The following SPIDR variants were observed in gnomAD, a reference collection of about 807,000 sequenced individuals.
SPIDR encodes DNA repair-scaffolding protein.
A neutral mutation model predicts 104.6 loss-of-function variants in SPIDR; 93 were observed. That is an observed-to-expected ratio of 0.89 (90% confidence interval 0.75 to 1.06). The LOEUF (loss-of-function observed/expected upper bound fraction) is 1.06. Ranked by LOEUF, SPIDR falls within the 50% of genes least tolerant of loss-of-function variation. The pLI, the probability that SPIDR is intolerant of heterozygous loss-of-function variation, is 0.00. For missense variants in SPIDR, 1,154 were observed against 1,111.2 expected (o/e 1.04, Z -0.55); for synonymous variants, 431 against 416.9 (o/e 1.03, Z -0.41).
At chr8:47,611,480 C>T (rs2063595603) in intron 10 of SPIDR, among the ~76,000 whole-genome samples, 2 of 152,008 alleles carry the variant, frequency 1.3e-5, no homozygotes, top group East Asian at 1.9e-4. Flanking sequence ...GGGCAGATCA[C>T]GAGGTCAGGA....
At chr8:47,733,261 C>A (rs973591976) in intron 19 of SPIDR, among the ~76,000 whole-genome samples, 4 of 152,120 alleles carry the variant, frequency 2.6e-5, no homozygotes, top group African/African-American at 9.7e-5. Context: ...GTGGTGCGCA[C>A]CTGTAATCCC....
chr8:47,692,034 AT>A (rs2078724443), intron 11 of SPIDR, among the ~76,000 whole-genome samples: 1 of 152,208 alleles, frequency 6.6e-6, no homozygotes, highest in Admixed American at 6.5e-5. Flanking sequence ...CAGAAGAAAG[AT>A]AATGTTCGTA....
At chr8:47,540,517 C>T (rs2087888094) in intron 8 of SPIDR, among the ~76,000 whole-genome samples, 1 of 152,118 alleles carries the variant, frequency 6.6e-6, no homozygotes, top group Non-Finnish European at 1.5e-5. Context: ...GTCCCTAGCC[C>T]TCTTCTGCCC....
At chr8:47,413,178 C>A (rs2063771643) in intron 7 of SPIDR, among the ~76,000 whole-genome samples, 1 of 152,230 alleles carries the variant, frequency 6.6e-6, no homozygotes, top group African/African-American at 2.4e-5. Flanking sequence ...TGGCTACTGG[C>A]GGCCTAAAAG....
At chr8:47,524,076 G>C (rs1253700591) in intron 8 of SPIDR, among the ~76,000 whole-genome samples, 1 of 152,122 alleles carries the variant, frequency 6.6e-6, no homozygotes, top group Non-Finnish European at 1.5e-5. Flanking sequence ...TCTGAGTTAG[G>C]TTACCAAATG....
chr8:47,604,235 A>G (rs535215447), intron 10 of SPIDR, among the ~76,000 whole-genome samples: 30 of 152,352 alleles, frequency 2.0e-4, no homozygotes, highest in Non-Finnish European at 3.8e-4. Context: ...TGTTAGGTAA[A>G]GAGAAGATGA....
At chr8:47,410,157 G>T (rs1206414612) in intron 7 of SPIDR, among the ~76,000 whole-genome samples, 5 of 151,520 alleles carry the variant, frequency 3.3e-5, no homozygotes, top group South Asian at 4.2e-4. Context: ...TATGACCCAA[G>T]AATACTTTTT....
chr8:47,612,269 G>C (rs1206853508), intron 10 of SPIDR, among the ~76,000 whole-genome samples: 3 of 152,162 alleles, frequency 2.0e-5, no homozygotes, highest in African/African-American at 7.2e-5. Context: ...ATAGAACGCT[G>C]ACTACTCTGG....
chr8:47,331,985 T>TC (rs1563646554), intron 5 of SPIDR, among the ~76,000 whole-genome samples: 32 of 61,528 alleles, frequency 5.2e-4, no homozygotes, highest in South Asian at 7.9e-4. Flanking sequence ...TTTTTTTTTT[T>TC]TCTCTTTTTT....
chr8:47,296,176 G>A (rs1554572613), intron 5 of SPIDR, among the ~76,000 whole-genome samples: 1,651 of 152,100 alleles, frequency 0.011, 15 homozygotes, highest in Non-Finnish European at 0.017. Flanking sequence ...AGATATTAGC[G>A]CCTTATCAGA....
Position 47,525,729 on chromosome 8 carries a change from A to G in SPIDR, c.1098-70082A>G, listed in dbSNP as rs1211425133. ...GGCAGGAGAATCGCTTGAGCCCAGAAGCCACTGCACTCCACCCTGGGTAGA... is the reference window on the plus strand; with the variant it reads ...GGCAGGAGAATCGCTTGAGCCCAGAGGCCACTGCACTCCACCCTGGGTAGA... On this transcript the variant is annotated intron_variant, in intron 8 of 19. Transcript: ENST00000297423. Among the ~76,000 whole-genome samples, 3 of 151,672 alleles carry G rather than the reference A, an allele frequency of 2.0e-5. No homozygotes were observed. In the East Asian group the frequency reaches 5.8e-4, roughly 29 times the overall value.
At chr8:47,511,722 A>T in intron 8 of SPIDR, 1 of 1,209,490 alleles carries the variant, frequency 8.3e-7, no homozygotes, top group Non-Finnish European at 1.2e-6. Flanking sequence ...TGGTCTCTCC[A>T]GGTCTGTTGG....
At position 47,396,566 on chromosome 8, in the gene SPIDR, A is replaced by G. The variant is rs1375573664; in HGVS notation, c.716A>G (p.Gln239Arg). Reference protein sequence around the residue: ...KSTETILHTPQKPTAKFPRTP... With the variant: ...KSTETILHTPRKPTAKFPRTP... ...ACAGAGACCATTTTGCATACACCTC[A>G]GAAACCCACAGCTAAGTTTCCCAGG... The change falls in exon 6 of 20, where the codon CAG becomes CGG. Residue 239 changes from glutamine (Q) to arginine (R), a missense_variant. Coordinates refer to ENST00000297423, the MANE Select transcript of SPIDR (RefSeq NM_001080394.4). 8.7e-6 allele frequency: 14 copies of G among 1,614,056 alleles called. 1 individual carries two copies. In the Admixed American group the frequency reaches 2.3e-4, roughly 27 times the overall value.
chr8:47,645,762 A>G (rs1198379155), intron 10 of SPIDR, among the ~76,000 whole-genome samples: 1 of 152,216 alleles, frequency 6.6e-6, no homozygotes, highest in Non-Finnish European at 1.5e-5. Context: ...AAGATGAACC[A>G]TTCAATAAAT....
chr8:47,700,447 C>T lies in SPIDR; in HGVS notation c.1730C>T (p.Ala577Val), dbSNP rs748886250. ...TTGATTGACACCCTGTGGCCCCCAG[C>T]GATACCTCTGAAAACACCTGGCCGC... Reference protein sequence around the residue: ...FSLIDTLWPPAIPLKTPGRDQ... With the variant: ...FSLIDTLWPPVIPLKTPGRDQ... Residue 577 changes from alanine (A) to valine (V), a missense_variant, in exon 12 of 20, where the codon GCG becomes GTG. Transcript: ENST00000297423. 8.7e-6 allele frequency: 14 copies of T among 1,614,196 alleles called. No individual in the cohort carries two copies. The South Asian group carries it at 1.2e-4, about 14-fold the overall frequency.
At chr8:47,572,393 G>A (rs996880916) in intron 8 of SPIDR, among the ~76,000 whole-genome samples, 3 of 152,142 alleles carry the variant, frequency 2.0e-5, no homozygotes, top group African/African-American at 7.2e-5. Context: ...GCCGGGCACG[G>A]TGGCTCATGC....
chr8:47,396,792 A>G lies in SPIDR; in HGVS notation c.776+166A>G, dbSNP rs115596266. On this transcript the variant is annotated intron_variant, in intron 6 of 19. Coordinates refer to ENST00000297423, the MANE Select transcript of SPIDR (RefSeq NM_001080394.4). ...GAGGGTCATGGCTTTACTCATGCCC[A>G]GCAGATGTGACTGCCTTTCTTAATG... Among the ~76,000 whole-genome samples the G allele has an allele frequency of 5.1e-3, 770 of 152,346 alleles. 7 individuals are homozygous for G. The highest frequency in any genetic ancestry group is 0.018 in the African/African-American group (729 of 41,586).
chr8:47,631,524 C>G (rs2067073418), intron 10 of SPIDR, among the ~76,000 whole-genome samples: 1 of 152,122 alleles, frequency 6.6e-6, no homozygotes, highest in South Asian at 2.1e-4. Context: ...CAGAAAAGTA[C>G]TGGATTTATG....
At chr8:47,279,754 G>A in intron 1 of SPIDR, 108 bp from the exon 2 acceptor site, 1 of 1,114,514 alleles carries the variant, frequency 9.0e-7, no homozygotes, top group Non-Finnish European at 1.3e-6. Context: ...TACCTTTACT[G>A]ATGCCACTTC....
Sources: allele counts gnomAD v4.1 joint callset (sites outside exome capture counted in the v4.1 genomes callset), GRCh38; gene constraint gnomAD v4.1.1; transcripts MANE v1.5; gene names NCBI Gene and HGNC (gene_info 2026-07-23, HGNC 2026-07-21).